The following LHFPL2 variants were observed in gnomAD, a reference collection of about 807,000 sequenced individuals.
The protein encoded by LHFPL2 is LHFPL tetraspan subfamily member 2 protein.
LHFPL2 carries 7 observed loss-of-function variants against 17.5 expected under a neutral mutation model. That is an observed-to-expected ratio of 0.40 (90% CI 0.23 to 0.75). LHFPL2 has a LOEUF of 0.75. LHFPL2 is among the 30% of genes least tolerant of loss of function. LHFPL2 has a pLI of 0.37. For synonymous variants in LHFPL2, 134 were observed against 116.2 expected (o/e 1.15, Z -0.99); for missense variants, 241 against 294.8 (o/e 0.82, Z 1.34).
chr5:78,549,968 A>C lies in LHFPL2; in HGVS notation c.-186+14845T>G, dbSNP rs753744244. On this transcript the variant is annotated intron_variant, in intron 3 of 4. Transcript: ENST00000380345. ...CTTTCCTAGAAGTTATATGCAAAAA[A>C]CTGGGGGTTGTTTTCTTCAGGTACA... Among the ~76,000 whole-genome samples the C allele has an allele frequency of 1.2e-3, 180 of 152,324 alleles. 1 individual carries two copies. The highest frequency in any genetic ancestry group is 1.1e-3 in the Non-Finnish European group (74 of 68,020).
intron 2 of LHFPL2, among the ~76,000 whole-genome samples, chr5:78,579,965 A>G (rs948321941): frequency 2.0e-5 from 3 of 152,296 alleles, no homozygotes; most frequent in East Asian, 1.9e-4. Context: ...AGTCCCACCA[A>G]CAGTGTAAAA....
rs185462935 is a variant in LHFPL2, at chr5:78,607,268, A to G, written c.-245+24996T>C. 3.4e-3 allele frequency among the ~76,000 whole-genome samples: 514 copies of G among 149,954 alleles called. 4 individuals carry two copies. The highest frequency in any genetic ancestry group is 0.012 in the African/African-American group (500 of 40,744). On this transcript the variant is annotated intron_variant, in intron 2 of 4. Transcript: ENST00000380345. ...GCTGGGATTACAGGCACCCGCCACC[A>G]CCTCCGGCTAATTTTTGTATTCTTA...
chr5:78,553,014 A>T (rs1430407906), intron 3 of LHFPL2, among the ~76,000 whole-genome samples: 4 of 152,192 alleles, frequency 2.6e-5, no homozygotes, highest in African/African-American at 4.8e-5. Context: ...TGTTTGGTGG[A>T]AATCTGGATG....
intron 2 of LHFPL2, among the ~76,000 whole-genome samples, chr5:78,565,745 A>C (rs1756842366): frequency 1.3e-5 from 2 of 152,250 alleles, no homozygotes; most frequent in Non-Finnish European, 2.9e-5. Flanking sequence ...TCAATACCAT[A>C]GGATCCAGGG....
At chr5:78,498,078 G>A (rs1022009887) in intron 4 of LHFPL2, among the ~76,000 whole-genome samples, 3 of 152,184 alleles carry the variant, frequency 2.0e-5, no homozygotes, top group African/African-American at 2.4e-5. Context: ...CAAAGGATAC[G>A]TGGGGGAATG....
rs1561300950 is a variant in LHFPL2, at chr5:78,489,087, T to C, written c.497A>G (p.Tyr166Cys). 6.2e-7 allele frequency: 1 copy of C among 1,614,176 alleles called. No homozygotes were observed. ...GTAGGCAGATGCATAATGTCCACAG[T>C]AGTCTATGGCCTTCTGGCAACCCCA... ...AGWGCQKAID[Y>C]CGHYASAYKP... is the part of the protein sequence containing the mutation. Residue 166 changes from tyrosine to cysteine, a missense_variant, in exon 5 of 5, where the codon TAC (tyrosine) becomes TGC (cysteine). Physicochemically the swap from Tyr to Cys is radical, Grantham distance 194. Transcript: ENST00000380345.
chr5:78,635,629 C>T (rs1745413329), intron 1 of LHFPL2, among the ~76,000 whole-genome samples: 1 of 152,132 alleles, frequency 6.6e-6, no homozygotes, highest in Non-Finnish European at 1.5e-5. Context: ...GGTGAAACCC[C>T]GTCTCTACTA....
chr5:78,581,300 T>C (rs1238540101), intron 2 of LHFPL2, among the ~76,000 whole-genome samples: 4 of 152,206 alleles, frequency 2.6e-5, no homozygotes, highest in African/African-American at 7.2e-5. Context: ...CCCTGCCTAA[T>C]TGCCCTGGCC....
chr5:78,611,384 G>A (rs574618942), intron 2 of LHFPL2, among the ~76,000 whole-genome samples: 1 of 152,318 alleles, frequency 6.6e-6, no homozygotes, highest in East Asian at 1.9e-4. Flanking sequence ...ACTCCAGCAG[G>A]GCTCAGTGTC....
rs1743319939 is a variant in LHFPL2, at chr5:78,584,993, GTGTT to G, written c.-244-20126_-244-20123del. Among the ~76,000 whole-genome samples, 3 of 84,774 alleles carry G rather than the reference GTGTT, an allele frequency of 3.5e-5. 1 individual carries two copies. The highest frequency in any genetic ancestry group is 1.5e-4 in the African/African-American group (3 of 20,192). 55.6% of individuals were successfully genotyped at this position (84,774 alleles called of 152,430 possible). On this transcript the variant is annotated intron_variant, in intron 2 of 4. Coordinates refer to ENST00000380345, the MANE Select transcript of LHFPL2 (RefSeq NM_005779.3). ...GCGGGATATAATCTCCTGGTGCGCT[GTGTT>G]TTTTTTTTTTTTTTTTTTTTTTTTT...
intron 2 of LHFPL2, among the ~76,000 whole-genome samples, chr5:78,617,481 G>A (rs976381200): frequency 1.1e-4 from 16 of 152,104 alleles, no homozygotes; most frequent in African/African-American, 3.9e-4. Flanking sequence ...TAGGCACACA[G>A]ACATCCATCT....
intron 2 of LHFPL2, among the ~76,000 whole-genome samples, chr5:78,581,355 T>A (rs1332507504): frequency 1.3e-5 from 2 of 152,208 alleles, no homozygotes. Flanking sequence ...AGAGAGGGCA[T>A]CCCTGTCTTG....
At chr5:78,630,994 C>T (rs979184599) in intron 2 of LHFPL2, among the ~76,000 whole-genome samples, 1 of 152,156 alleles carries the variant, frequency 6.6e-6, no homozygotes, top group African/African-American at 2.4e-5. Flanking sequence ...TCCCAACCCA[C>T]GGGATAATGC....
intron 3 of LHFPL2, chr5:78,549,235 C>T (rs2112389727): frequency 6.6e-6 from 1 of 152,324 alleles, no homozygotes; most frequent in African/African-American, 2.4e-5. Flanking sequence ...GACTGGCTTA[C>T]TTACACAGAG....
rs1754335514 is a variant in LHFPL2, at chr5:78,488,771, TA to T, written c.*125del. 9.2e-7 allele frequency: 1 copy of T among 1,089,916 alleles called. No homozygotes were observed. The highest frequency in any genetic ancestry group is 1.3e-6 in the Non-Finnish European group (1 of 744,868). The allele number at this position is 1,089,916 out of a possible 1,614,324, so 67.5% of individuals were successfully genotyped here. A position where few individuals can be genotyped will look rare whatever the true frequency, so the allele number is the denominator to read the frequency against. ...GATGTGGCCTCTCATTGGTCCTGTT[TA>T]AGCCTCGGGCCGTGGAACGTGGCTT... On this transcript the variant is annotated 3_prime_UTR_variant, in exon 5 of 5. Transcript: ENST00000380345.
intron 2 of LHFPL2, among the ~76,000 whole-genome samples, chr5:78,603,916 C>T (rs1270225294): frequency 1.3e-5 from 2 of 152,144 alleles, no homozygotes; most frequent in Non-Finnish European, 1.5e-5. Context: ...TGGCTTACAT[C>T]TGTAATCCCA....
intron 4 of LHFPL2, among the ~76,000 whole-genome samples, chr5:78,505,898 A>C (rs768854120): frequency 6.6e-6 from 1 of 152,248 alleles, no homozygotes; most frequent in Non-Finnish European, 1.5e-5. Flanking sequence ...CCCATTTTAC[A>C]AGTGAGAAAA....
At chr5:78,490,358 GAC>G (rs1218048611) in intron 4 of LHFPL2, among the ~76,000 whole-genome samples, 2 of 152,150 alleles carry the variant, frequency 1.3e-5, no homozygotes, top group African/African-American at 4.8e-5. Context: ...CCAGTCACAT[GAC>G]AGTAGCTCCT....
chr5:78,562,771 T>TA (rs35579328), intron 3 of LHFPL2, among the ~76,000 whole-genome samples: 59,685 of 151,830 alleles, frequency 0.39, 12,171 homozygotes, highest in Middle Eastern at 0.48. Context: ...TTCACAACTT[T>TA]AAAAAAAAGA....
Sources: allele counts gnomAD v4.1 joint callset (sites outside exome capture counted in the v4.1 genomes callset), GRCh38; gene constraint gnomAD v4.1.1; transcripts MANE v1.5; gene names NCBI Gene and HGNC (gene_info 2026-07-23, HGNC 2026-07-21).